The following SEMA6D variants were observed in gnomAD, a reference collection of about 807,000 sequenced individuals.
SEMA6D encodes the protein semaphorin 6D, also known as semaphorin-6D.
A neutral mutation model predicts 106.6 loss-of-function variants in SEMA6D; 35 were observed. The ratio of observed to expected loss-of-function variants is 0.33; its 90% CI spans 0.25 to 0.44. SEMA6D has a LOEUF of 0.44. Ranked by LOEUF, SEMA6D falls within the 20% of genes least tolerant of loss-of-function variation. SEMA6D has a pLI of 1.00. For synonymous variants in SEMA6D, 499 were observed against 487.7 expected (o/e 1.02, Z -0.31); for missense variants, 1,185 against 1,345.9 (o/e 0.88, Z 1.87).
chr15:47,750,345 C>T (rs2081361393), intron 1 of SEMA6D, among the ~76,000 whole-genome samples: 1 of 152,162 alleles, frequency 6.6e-6, no homozygotes, highest in African/African-American at 2.4e-5. Context: ...AGAGAAAAAA[C>T]AGGTTTCTAC....
intron 3 of SEMA6D, among the ~76,000 whole-genome samples, chr15:47,552,039 C>CA (rs148219211): frequency 0.023 from 3,471 of 149,852 alleles, 129 homozygotes; most frequent in African/African-American, 0.08. Context: ...AGGAAACAGA[C>CA]AAAAAAAAAG....
intron 1 of SEMA6D, among the ~76,000 whole-genome samples, chr15:47,717,987 T>A (rs1043408561): frequency 3.9e-5 from 6 of 152,024 alleles, no homozygotes; most frequent in Admixed American, 3.9e-4. Flanking sequence ...CTGGCAAAGC[T>A]GGCGGCTTAG....
intron 3 of SEMA6D, among the ~76,000 whole-genome samples, chr15:47,591,898 T>C (rs747278146): frequency 8.6e-5 from 13 of 152,006 alleles, no homozygotes; most frequent in African/African-American, 1.2e-4. Context: ...TTGGGGAGAA[T>C]GACATTTGGA....
At chr15:47,254,875 T>TTTTTTGTGTGTG (rs1555411185) in intron 1 of SEMA6D, among the ~76,000 whole-genome samples, 20 of 134,404 alleles carry the variant, frequency 1.5e-4, no homozygotes, top group African/African-American at 5.6e-4. Flanking sequence ...ACCTGTGGTT[T>TTTTTTGTGTGTG]TGTGTGTGTG....
At chr15:47,206,993 C>T (rs1441916560) in intron 1 of SEMA6D, among the ~76,000 whole-genome samples, 2 of 152,024 alleles carry the variant, frequency 1.3e-5, no homozygotes, top group Non-Finnish European at 2.9e-5. Context: ...AAGGGAAAAC[C>T]TACCACTACT....
At chr15:47,313,189 T>G (rs1338492912) in intron 1 of SEMA6D, among the ~76,000 whole-genome samples, 2 of 152,208 alleles carry the variant, frequency 1.3e-5, no homozygotes, top group Non-Finnish European at 2.9e-5. Flanking sequence ...TTCTGTGGGT[T>G]TGGAGAAATG....
chr15:47,502,906 CTG>C (rs887525538), intron 3 of SEMA6D, among the ~76,000 whole-genome samples: 4 of 152,222 alleles, frequency 2.6e-5, no homozygotes, highest in Non-Finnish European at 4.4e-5. Flanking sequence ...ACAGGGTAAA[CTG>C]TGATCTTCCC....
chr15:47,769,046 G>A (rs1410723436), intron 18 of SEMA6D, among the ~76,000 whole-genome samples: 3 of 152,156 alleles, frequency 2.0e-5, no homozygotes, highest in Admixed American at 6.5e-5. Context: ...AGGGAATTTC[G>A]AGGGTCACCG....
chr15:47,528,684 A>T (rs952931338), intron 3 of SEMA6D, among the ~76,000 whole-genome samples: 4 of 152,194 alleles, frequency 2.6e-5, no homozygotes, highest in Non-Finnish European at 5.9e-5. Flanking sequence ...GAAGTTTGAC[A>T]TATTATTTCC....
rs571505738 is a variant in SEMA6D at position 47,186,116 on chromosome 15, A to G, written c.-239+1698A>G. ...GCATATATATATACACATATATAGT[A>G]TTTGTAGCTGGTTGTAAATCCCAGT... On this transcript the variant is annotated intron_variant, in intron 1 of 19. Transcript: ENST00000558014. 3.3e-5 allele frequency among the ~76,000 whole-genome samples: 5 copies of G among 152,246 alleles called. No homozygotes were observed. In the East Asian group the frequency reaches 9.7e-4, roughly 29 times the overall value.
intron 1 of SEMA6D, among the ~76,000 whole-genome samples, chr15:47,344,746 C>T (rs1402833591): frequency 6.6e-6 from 1 of 152,104 alleles, no homozygotes; most frequent in Non-Finnish European, 1.5e-5. Flanking sequence ...AAGAAAAGGT[C>T]ATCTTGGAAG....
chr15:47,655,694 GCT>G (rs754233292), intron 4 of SEMA6D, among the ~76,000 whole-genome samples: 18 of 152,236 alleles, frequency 1.2e-4, no homozygotes, highest in Non-Finnish European at 2.2e-4. Context: ...TGTTCTTGAA[GCT>G]CTCTATTAAA....
At chr15:47,613,813 C>T (rs2076956968) in intron 4 of SEMA6D, among the ~76,000 whole-genome samples, 1 of 152,068 alleles carries the variant, frequency 6.6e-6, no homozygotes, top group Admixed American at 6.6e-5. Context: ...CGCCACCACG[C>T]CCAGCTAATT....
At chr15:47,581,459 G>A in intron 3 of SEMA6D, 1 of 450,986 alleles carries the variant, frequency 2.2e-6, no homozygotes, top group Admixed American at 2.3e-5. Context: ...GATGGAGTGG[G>A]AAGGCACTCC....
intron 2 of SEMA6D, among the ~76,000 whole-genome samples, chr15:47,414,065 A>G (rs16959426): frequency 6.6e-6 from 1 of 152,108 alleles, no homozygotes; most frequent in African/African-American, 2.4e-5. Flanking sequence ...AAATCTATTT[A>G]TGGAACAATG....
chr15:47,762,413 C>A, intron 8 of SEMA6D, 94 bp downstream of exon 8: 1 of 1,394,808 alleles, frequency 7.2e-7, no homozygotes, highest in Non-Finnish European at 9.9e-7. Context: ...CAGCGCATGA[C>A]TTTATATTGT....
chr15:47,730,430 G>T (rs966737032), intron 1 of SEMA6D: 15 of 1,420,154 alleles, frequency 1.1e-5, no homozygotes, highest in Non-Finnish European at 1.5e-5. Context: ...ACACAGGGCA[G>T]GCAAGAAGAC....
At chr15:47,527,607 C>A (rs926837012) in intron 3 of SEMA6D, 1 of 152,162 alleles carries the variant, frequency 6.6e-6, no homozygotes. Flanking sequence ...GTATGCCAAT[C>A]TTATAAAACT....
chr15:47,619,093 G>A (rs1352290299), intron 4 of SEMA6D, among the ~76,000 whole-genome samples: 1 of 152,212 alleles, frequency 6.6e-6, no homozygotes, highest in East Asian at 1.9e-4. Context: ...ACAGGCAGTT[G>A]TGCAGGCCAG....
Sources: allele counts gnomAD v4.1 joint callset (sites outside exome capture counted in the v4.1 genomes callset), GRCh38; gene constraint gnomAD v4.1.1; transcripts MANE v1.5; gene names NCBI Gene and HGNC (gene_info 2026-07-23, HGNC 2026-07-21).